CLIP2: variants seen among roughly 807,000 people sequenced by gnomAD.
CLIP2 encodes CAP-Gly domain-containing linker protein 2.
In CLIP2, 41 loss-of-function variants were observed where a neutral mutation model predicts 111.7. The observed-to-expected ratio is 0.37, with a 90% CI of 0.29 to 0.48. The LOEUF is 0.48. CLIP2 is among the 20% of genes least tolerant of loss of function. The pLI, the probability that CLIP2 is intolerant of heterozygous loss-of-function variation, is 0.99. For missense variants in CLIP2, 1,160 were observed against 1,422.1 expected (o/e 0.82, Z 2.96); for synonymous variants, 660 against 644.2 (o/e 1.02, Z -0.37).
chr7:74,364,216 G>C, intron 7 of CLIP2, 39 bp from the exon 8 acceptor site: 5 of 1,597,302 alleles, frequency 3.1e-6, no homozygotes, highest in Non-Finnish European at 4.3e-6. Context: ...CGTTGCTCTG[G>C]GCAAAGCCAG....
At chr7:74,342,519 C>G (rs1167900432) in intron 3 of CLIP2, among the ~76,000 whole-genome samples, 1 of 152,184 alleles carries the variant, frequency 6.6e-6, no homozygotes, top group Non-Finnish European at 1.5e-5. Context: ...GGGCTTTGCT[C>G]TAAGAGCTGA....
intron 1 of CLIP2, among the ~76,000 whole-genome samples, chr7:74,291,444 C>G (rs1161691181): frequency 6.6e-6 from 1 of 152,210 alleles, no homozygotes; most frequent in Non-Finnish European, 1.5e-5. Flanking sequence ...AGCTTAACAG[C>G]CCGGGTTCAA....
At chr7:74,313,618 CCCT>C (rs1201126161) in intron 1 of CLIP2, among the ~76,000 whole-genome samples, 1 of 151,994 alleles carries the variant, frequency 6.6e-6, no homozygotes, top group East Asian at 1.9e-4. Flanking sequence ...TGGATCTAGG[CCCT>C]CCTCGGGACT....
At chr7:74,386,880 G>A (rs987278358) in intron 12 of CLIP2, among the ~76,000 whole-genome samples, 6 of 151,920 alleles carry the variant, frequency 3.9e-5, no homozygotes, top group Admixed American at 1.3e-4. Context: ...AAAATTAGCC[G>A]GGCATGGTGG....
intron 10 of CLIP2, 161 bp from the exon 11 acceptor site, chr7:74,380,645 C>T (rs929051886): frequency 1.9e-5 from 11 of 572,186 alleles, no homozygotes; most frequent in African/African-American, 1.3e-4. Flanking sequence ...CGACTGAGGA[C>T]GTCTGCACTC....
chr7:74,402,201 G>A (rs1554317803), intron 16 of CLIP2, among the ~76,000 whole-genome samples: 2 of 151,830 alleles, frequency 1.3e-5, no homozygotes, highest in African/African-American at 2.4e-5. Context: ...GTGGTGGCGG[G>A]CACCTGTAGT....
At chr7:74,359,207 G>A (rs1554309197) in intron 6 of CLIP2, among the ~76,000 whole-genome samples, 3 of 151,356 alleles carry the variant, frequency 2.0e-5, no homozygotes, top group Admixed American at 1.3e-4. Context: ...GGCCTCAAGT[G>A]ATCAGCCCGC....
At chr7:74,344,690 A>G (rs1789754392) in intron 3 of CLIP2, among the ~76,000 whole-genome samples, 1 of 152,164 alleles carries the variant, frequency 6.6e-6, no homozygotes, top group Non-Finnish European at 1.5e-5. Flanking sequence ...GGCATGAGCC[A>G]CTGAGCCCAG....
chr7:74,351,177 C>T (rs944493661), intron 3 of CLIP2, among the ~76,000 whole-genome samples: 12 of 151,830 alleles, frequency 7.9e-5, no homozygotes, highest in Non-Finnish European at 1.5e-4. Context: ...AATATTTTGG[C>T]CAGGCACGGT....
rs1382212253 is a variant in CLIP2 at position 74,343,386 on chromosome 7, G to A, written c.678+4382G>A. Among the ~76,000 whole-genome samples, 3 of 152,182 alleles carry A rather than the reference G, an allele frequency of 2.0e-5. No homozygotes were observed. In the East Asian group the frequency reaches 5.8e-4, roughly 29 times the overall value. On this transcript the variant is annotated intron_variant, in intron 3 of 16. Transcript: ENST00000223398. ...GCAAACAGCTTAGTCTCCCTGACCT[G>A]TCCTTCAGGATCTCCGGGGTCTGTG...
intron 4 of CLIP2, 33 bp downstream of exon 4, chr7:74,354,037 G>A (rs1790084166): frequency 2.5e-6 from 4 of 1,588,250 alleles, no homozygotes; most frequent in Non-Finnish European, 3.4e-6. Flanking sequence ...AGTATGGGAG[G>A]GGGCTCCTCT....
At chr7:74,340,298 A>C (rs1554305140) in intron 3 of CLIP2, among the ~76,000 whole-genome samples, 1 of 150,970 alleles carries the variant, frequency 6.6e-6, no homozygotes, top group Non-Finnish European at 1.5e-5. Flanking sequence ...TGGGAAGCTG[A>C]GGCAGGAGAA....
intron 14 of CLIP2, 23 bp downstream of exon 14, chr7:74,397,256 A>C: frequency 6.7e-7 from 1 of 1,497,704 alleles, no homozygotes; most frequent in Non-Finnish European, 9.2e-7. Context: ...GGGGTGGCCT[A>C]GGGGCAGGGG....
At chr7:74,321,423 T>C (rs1788949185) in intron 2 of CLIP2, among the ~76,000 whole-genome samples, 1 of 152,116 alleles carries the variant, frequency 6.6e-6, no homozygotes, top group African/African-American at 2.4e-5. Flanking sequence ...AGTTCCTGAG[T>C]TTTAGCCATT....
rs369627679 is a variant in CLIP2, at chr7:74,317,672, G to A, written c.121+5G>A. 3.5e-5 allele frequency: 51 copies of A among 1,452,486 alleles called. 1 individual carries two copies. The highest frequency in any genetic ancestry group is 1.1e-4 in the South Asian group (7 of 65,216). The allele number at this position is 1,452,486 out of a possible 1,614,324, so 90.0% of individuals were successfully genotyped here. Reference sequence around the variant, plus strand: ...TGGCCGCTAGCTCCAAGGAAGGTACGTGGCACACCAAGGATGGGGGGTGAG... The same window carrying A: ...TGGCCGCTAGCTCCAAGGAAGGTACATGGCACACCAAGGATGGGGGGTGAG... On this transcript the variant is annotated splice_donor_5th_base_variant and intron_variant, in intron 2 of 16. Transcript: ENST00000223398.
chr7:74,319,573 T>A (rs1379042857), intron 2 of CLIP2, among the ~76,000 whole-genome samples: 4 of 151,818 alleles, frequency 2.6e-5, no homozygotes, highest in African/African-American at 9.7e-5. Context: ...AATCCAGCAC[T>A]TTGGGAGGCT....
At chr7:74,395,574 A>C (rs1791423104) in intron 13 of CLIP2, among the ~76,000 whole-genome samples, 1 of 152,130 alleles carries the variant, frequency 6.6e-6, no homozygotes, top group Non-Finnish European at 1.5e-5. Context: ...TTACAGGCAT[A>C]AGCCACCATG....
At chr7:74,339,991 G>A (rs1254576771) in intron 3 of CLIP2, among the ~76,000 whole-genome samples, 2 of 152,146 alleles carry the variant, frequency 1.3e-5, no homozygotes, top group African/African-American at 2.4e-5. Flanking sequence ...CTACTCAGGA[G>A]GCTGTGGTGG....
chr7:74,301,888 T>C (rs1554726924), intron 1 of CLIP2, among the ~76,000 whole-genome samples: 1 of 151,086 alleles, frequency 6.6e-6, no homozygotes, highest in Non-Finnish European at 1.5e-5. Context: ...AATTTTTGTA[T>C]TTTTAGTAGA....
Sources: gnomAD v4.1 joint callset for allele counts (sites outside exome capture counted in the v4.1 genomes callset) on GRCh38, gnomAD v4.1.1 for gene constraint, MANE v1.5 for transcripts, NCBI Gene and HGNC (gene_info 2026-07-23, HGNC 2026-07-21) for gene names.